SGCD: variants seen among roughly 807,000 people sequenced by gnomAD.
SGCD encodes delta-sarcoglycan.
In SGCD, 18 loss-of-function variants were observed where a neutral mutation model predicts 36.6. The observed-to-expected ratio is 0.49, with a 90% CI of 0.34 to 0.73. The LOEUF (loss-of-function observed/expected upper bound fraction) is 0.73, where lower values mean the gene tolerates loss of function less well. Among genes scored for constraint, SGCD ranks in the 30% least tolerant of loss-of-function variants. The pLI, the probability that SGCD is intolerant of heterozygous loss-of-function variation, is 0.01. For missense variants in SGCD, 387 were observed against 346.7 expected, an observed-to-expected ratio of 1.12 and a Z score of -0.92; for synonymous variants, 133 against 130.6, an observed-to-expected ratio of 1.02 and a Z score of -0.12.
At chr5:155,972,228 C>T (rs1310645706) in intron 1 of SGCD, among the ~76,000 whole-genome samples, 1 of 152,134 alleles carries the variant, frequency 6.6e-6, no homozygotes, top group East Asian at 1.9e-4. Context: ...GAGAAATGTA[C>T]ACTGCATAGT....
At chr5:156,277,512 T>C (rs1421160015) in intron 3 of SGCD, among the ~76,000 whole-genome samples, 2 of 152,148 alleles carry the variant, frequency 1.3e-5, no homozygotes, top group Non-Finnish European at 2.9e-5. Flanking sequence ...CTGTAGAGTA[T>C]TGACCACAGC....
intron 3 of SGCD, among the ~76,000 whole-genome samples, chr5:156,482,776 T>C (rs1191149991): frequency 6.7e-6 from 1 of 148,952 alleles, no homozygotes; most frequent in Non-Finnish European, 1.5e-5. Flanking sequence ...CCCTACAAGA[T>C]AATGAGTTAG....
intron 1 of SGCD, among the ~76,000 whole-genome samples, chr5:155,879,385 A>T (rs557696644): frequency 6.6e-6 from 1 of 152,258 alleles, no homozygotes; most frequent in East Asian, 1.9e-4. Context: ...TTCGTGGATG[A>T]GGCATTGCTG....
the SGCD span, among the ~76,000 whole-genome samples, chr5:155,759,215 A>G: frequency 1.3e-5 from 2 of 152,248 alleles, no homozygotes; most frequent in Non-Finnish European, 2.9e-5. Context: ...TATAATATTT[A>G]GACATTAGCC....
At chr5:156,670,778 A>G (rs1400666438) in intron 7 of SGCD, among the ~76,000 whole-genome samples, 2 of 152,204 alleles carry the variant, frequency 1.3e-5, no homozygotes, top group Admixed American at 6.5e-5. Flanking sequence ...AAACTAGATA[A>G]GCCTGTCTAA....
chr5:156,274,112 G>A (rs145979926), intron 3 of SGCD, among the ~76,000 whole-genome samples: 2 of 152,206 alleles, frequency 1.3e-5, no homozygotes, highest in East Asian at 1.9e-4. Context: ...CATGAACTCA[G>A]CACTGGGCCC....
the SGCD span, among the ~76,000 whole-genome samples, chr5:155,761,790 C>G: frequency 1.3e-5 from 2 of 151,564 alleles, no homozygotes; most frequent in African/African-American, 4.8e-5. Context: ...ATCTCCATCA[C>G]CATCTCCATC....
At chr5:156,643,316 G>A (rs1302572840) in intron 6 of SGCD, among the ~76,000 whole-genome samples, 3 of 152,120 alleles carry the variant, frequency 2.0e-5, no homozygotes, top group African/African-American at 7.2e-5. Context: ...ACAGGTGTGA[G>A]CCACCTCGCC....
the SGCD span, among the ~76,000 whole-genome samples, chr5:155,772,995 A>C: frequency 6.6e-6 from 1 of 152,104 alleles, no homozygotes; most frequent in African/African-American, 2.4e-5. Context: ...CTACTTACGA[A>C]GTAAGTAAGC....
intron 1 of SGCD, among the ~76,000 whole-genome samples, chr5:155,975,401 C>T (rs1758090774): frequency 6.6e-6 from 1 of 151,892 alleles, no homozygotes; most frequent in South Asian, 2.1e-4. Context: ...GGTTAAACAT[C>T]CAACAATGCA....
At chr5:156,686,820 A>G (rs934396924) in intron 7 of SGCD, among the ~76,000 whole-genome samples, 1 of 152,214 alleles carries the variant, frequency 6.6e-6, no homozygotes, top group African/African-American at 2.4e-5. Context: ...AAGCTACAAG[A>G]GAATTTGATC....
chr5:156,667,221 A>G (rs368518749), intron 7 of SGCD, among the ~76,000 whole-genome samples: 1 of 152,204 alleles, frequency 6.6e-6, no homozygotes, highest in South Asian at 2.1e-4. Flanking sequence ...CTGTATAAAC[A>G]TATATATTGA....
the SGCD span, among the ~76,000 whole-genome samples, chr5:155,797,183 C>G: frequency 1.3e-5 from 2 of 152,124 alleles, no homozygotes. Context: ...AGCAGAAAGA[C>G]AGAATCTGTT....
chr5:156,668,386 T>C (rs1753143067), intron 7 of SGCD, among the ~76,000 whole-genome samples: 1 of 152,226 alleles, frequency 6.6e-6, no homozygotes, highest in Non-Finnish European at 1.5e-5. Context: ...TAACTACATA[T>C]TTCATTTTTC....
At chr5:156,213,211 G>C (rs544773057) in intron 3 of SGCD, among the ~76,000 whole-genome samples, 4 of 151,962 alleles carry the variant, frequency 2.6e-5, no homozygotes, top group Admixed American at 6.6e-5. Flanking sequence ...ATAAAACTAA[G>C]GGTTGTTTTT....
chr5:156,176,214 T>C (rs898251310), intron 3 of SGCD, among the ~76,000 whole-genome samples: 10 of 152,088 alleles, frequency 6.6e-5, no homozygotes, highest in African/African-American at 2.2e-4. Flanking sequence ...ATCTACTGAA[T>C]AGTAGTGCGT....
chr5:156,657,180 T>G (rs758238020), intron 7 of SGCD, among the ~76,000 whole-genome samples: 4 of 152,098 alleles, frequency 2.6e-5, no homozygotes, highest in East Asian at 1.9e-4. Context: ...CGCACACCAC[T>G]GACAGTTACA....
At chr5:156,174,495 G>A (rs544992341) in intron 3 of SGCD, among the ~76,000 whole-genome samples, 4 of 152,296 alleles carry the variant, frequency 2.6e-5, no homozygotes, top group East Asian at 3.9e-4. Context: ...CCTGTGCTGC[G>A]CTGTTTCAGA....
intron 6 of SGCD, among the ~76,000 whole-genome samples, chr5:156,605,206 C>G (rs975246272): frequency 2.0e-5 from 3 of 152,258 alleles, no homozygotes; most frequent in East Asian, 1.9e-4. Flanking sequence ...CCCTCTCCCC[C>G]CACCCAACAA....
Sources: gnomAD v4.1 joint callset for allele counts (sites outside exome capture counted in the v4.1 genomes callset) on GRCh38, gnomAD v4.1.1 for gene constraint, MANE v1.5 for transcripts, NCBI Gene and HGNC (gene_info 2026-07-23, HGNC 2026-07-21) for gene names.